MAP3K5: variants seen among roughly 807,000 people sequenced by gnomAD.
The protein encoded by MAP3K5 is ASK-1.
In MAP3K5, 56 loss-of-function variants were observed where a neutral mutation model predicts 158.7. The ratio of observed to expected loss-of-function variants is 0.35; its 90% confidence interval spans 0.28 to 0.44. MAP3K5 has a LOEUF of 0.44. Among genes scored for constraint, MAP3K5 ranks in the 20% least tolerant of loss-of-function variants. MAP3K5 has a pLI of 1.00. For synonymous variants in MAP3K5, 579 were observed against 601.7 expected (o/e 0.96, Z 0.55); for missense variants, 1,294 against 1,674.8 (o/e 0.77, Z 3.97).
At chr6:136,695,460 G>C (rs748409596) in intron 6 of MAP3K5, among the ~76,000 whole-genome samples, 3 of 152,088 alleles carry the variant, frequency 2.0e-5, no homozygotes, top group African/African-American at 7.2e-5. Context: ...TTTCAATAAA[G>C]CTATTATAAA....
chr6:136,728,834 G>C (rs1305439712), intron 1 of MAP3K5, among the ~76,000 whole-genome samples: 1 of 152,130 alleles, frequency 6.6e-6, no homozygotes, highest in Non-Finnish European at 1.5e-5. Context: ...AGTGAGGGCT[G>C]GTAGGGAGGT....
chr6:136,571,325 G>A (rs1463085060), intron 25 of MAP3K5, among the ~76,000 whole-genome samples: 1 of 152,122 alleles, frequency 6.6e-6, no homozygotes, highest in Non-Finnish European at 1.5e-5. Flanking sequence ...ACTGAACTGT[G>A]GGAGTGAAAG....
intron 10 of MAP3K5, among the ~76,000 whole-genome samples, chr6:136,652,219 A>G (rs1271224635): frequency 6.6e-6 from 1 of 152,142 alleles, no homozygotes; most frequent in African/African-American, 2.4e-5. Context: ...CTCTCAACTT[A>G]CCTTAACAGC....
At position 136,613,033 on chromosome 6, in the gene MAP3K5, A is replaced by G; in HGVS notation, c.2415+87T>C. Reference sequence around the variant, plus strand: ...TTTACTTATTCACCATTCTAAATTAATACTCATAACACAATATGACTTTTG... The same window carrying G: ...TTTACTTATTCACCATTCTAAATTAGTACTCATAACACAATATGACTTTTG... On this transcript the variant is annotated intron_variant, in intron 17 of 29. Transcript: ENST00000359015. The surrounding 1 kb of genome is among the most constrained non-coding windows in gnomAD (Gnocchi z 4.0). The G allele has an allele frequency of 8.1e-7, 1 of 1,235,820 alleles. No individual in the cohort carries two copies. Among genetic ancestry groups the G allele is most frequent in the Non-Finnish European group, 1.1e-6 (1 of 898,168 alleles). The allele number at this position is 1,235,820 out of a possible 1,614,324, so 76.6% of individuals were successfully genotyped here.
intron 7 of MAP3K5, among the ~76,000 whole-genome samples, chr6:136,672,461 A>C (rs1009480701): frequency 6.6e-6 from 1 of 152,226 alleles, no homozygotes; most frequent in African/African-American, 2.4e-5. Context: ...TACCAAGAAA[A>C]AGAGAAACTA....
intron 25 of MAP3K5, among the ~76,000 whole-genome samples, chr6:136,575,262 A>G (rs535049444): frequency 1.3e-5 from 2 of 151,412 alleles, no homozygotes; most frequent in African/African-American, 4.9e-5. Context: ...CCTGGGCTCA[A>G]TTGATCCTCT....
intron 21 of MAP3K5, among the ~76,000 whole-genome samples, chr6:136,597,625 G>A (rs1341337855): frequency 5.3e-5 from 8 of 152,190 alleles, no homozygotes; most frequent in Admixed American, 5.2e-4. Flanking sequence ...TCTGAGAAGG[G>A]CCAGGCATTT....
Position 136,792,331 on chromosome 6 carries a change from C to T in MAP3K5, c.-174G>A. 4.0e-6 allele frequency: 4 copies of T among 1,004,136 alleles called. No individual in the cohort carries two copies. Among genetic ancestry groups the T allele is most frequent in the Non-Finnish European group, 4.7e-6 (4 of 846,938 alleles). The allele number at this position is 1,004,136 out of a possible 1,614,324, so 62.2% of individuals were successfully genotyped here. On this transcript the variant is annotated 5_prime_UTR_variant, in exon 1 of 30. Transcript: ENST00000359015. This position sits in a 1 kb window ranked among gnomAD's most constrained non-coding sequence, Gnocchi z 5.7. ...GGCGCCCTCTCCCCCGAGGGCACGC[C>T]GCTGCCCGGCGGCGGCTCGCTCCTC...
intron 23 of MAP3K5, among the ~76,000 whole-genome samples, chr6:136,584,833 C>T (rs868643417): frequency 1.3e-5 from 2 of 152,164 alleles, no homozygotes; most frequent in African/African-American, 4.8e-5. Flanking sequence ...TGAGACTCGG[C>T]TAGGCACTAT....
chr6:136,663,496 T>C (rs1779094781), intron 8 of MAP3K5, among the ~76,000 whole-genome samples: 2 of 152,066 alleles, frequency 1.3e-5, no homozygotes, highest in South Asian at 4.1e-4. Flanking sequence ...CTAGTCCTGA[T>C]TCAGATTCTT....
Position 136,557,664 on chromosome 6 carries a change from G to A in MAP3K5, c.*94C>T, listed in dbSNP as rs1348881709. The A allele has an allele frequency of 1.4e-5, 11 of 797,306 alleles. No individual in the cohort carries two copies. The highest frequency in any genetic ancestry group is 8.8e-5 in the African/African-American group (5 of 56,978). 49.4% of individuals were successfully genotyped at this position (797,306 alleles called of 1,614,324 possible). The stretch of plus-strand genomic sequence containing the variant: ...ACAAATACTGGATTTAAAGTGCAGC[G>A]CCTTTCTCCTCTCCCTTCGATTTTC... On this transcript the variant is annotated 3_prime_UTR_variant, in exon 30 of 30. Transcript: ENST00000359015.
chr6:136,729,031 G>T (rs1171561205), intron 1 of MAP3K5, among the ~76,000 whole-genome samples: 2 of 152,142 alleles, frequency 1.3e-5, no homozygotes, highest in Non-Finnish European at 2.9e-5. Flanking sequence ...ACTAAGATGG[G>T]TGTTATAATA....
At chr6:136,639,311 G>A (rs1228077230) in intron 13 of MAP3K5, among the ~76,000 whole-genome samples, 1 of 151,978 alleles carries the variant, frequency 6.6e-6, no homozygotes, top group Non-Finnish European at 1.5e-5. Context: ...CTTAGTTAAT[G>A]TTTTATCTGT....
intron 14 of MAP3K5, among the ~76,000 whole-genome samples, chr6:136,630,997 G>C (rs1777322048): frequency 6.6e-6 from 1 of 152,176 alleles, no homozygotes; most frequent in Non-Finnish European, 1.5e-5. Flanking sequence ...TACTCAGAAG[G>C]CTGAGGTGGG....
chr6:136,621,074 A>T (rs1437562618), intron 15 of MAP3K5, among the ~76,000 whole-genome samples: 1 of 152,028 alleles, frequency 6.6e-6, no homozygotes, highest in Non-Finnish European at 1.5e-5. Context: ...TGTATATATT[A>T]TACATTTTGT....
At chr6:136,599,297 A>G (rs537242026) in intron 21 of MAP3K5, among the ~76,000 whole-genome samples, 25 of 152,230 alleles carry the variant, frequency 1.6e-4, no homozygotes, top group African/African-American at 6.0e-4. Context: ...GAACAGTTTA[A>G]TCATGCAGGG....
intron 1 of MAP3K5, among the ~76,000 whole-genome samples, chr6:136,790,010 G>T (rs2115075490): frequency 6.6e-6 from 1 of 152,260 alleles, no homozygotes; most frequent in East Asian, 1.9e-4. Context: ...ACCTTTTAGG[G>T]TCAGCCACCT....
chr6:136,611,493 A>C (rs1776342946), intron 17 of MAP3K5, 106 bp from the exon 18 acceptor site: 2 of 605,434 alleles, frequency 3.3e-6, no homozygotes, highest in East Asian at 5.2e-5. Context: ...CCTTACAGCT[A>C]CCAACGACAT....
chr6:136,634,731 C>A (rs1337156311), intron 14 of MAP3K5, among the ~76,000 whole-genome samples: 1 of 151,804 alleles, frequency 6.6e-6, no homozygotes, highest in East Asian at 1.9e-4. Context: ...AGGTGCACGC[C>A]ACCATGCTCA....
Sources: allele counts gnomAD v4.1 joint callset (sites outside exome capture counted in the v4.1 genomes callset), GRCh38; gene constraint gnomAD v4.1.1; non-coding constraint Gnocchi (gnomAD v3.1); transcripts MANE v1.5; gene names NCBI Gene and HGNC (gene_info 2026-07-23, HGNC 2026-07-21).